Variants in ANK2 observed in about 807,000 individuals in gnomAD.
The protein encoded by ANK2 is ankyrin 2.
Under a neutral mutation model 360.5 loss-of-function variants are expected in ANK2, and 83 were observed. The observed-to-expected ratio is 0.23, with a 90% confidence interval of 0.19 to 0.28. The LOEUF is 0.28. Ranked by LOEUF, ANK2 falls within the 10% of genes least tolerant of loss-of-function variation. The pLI is 1.00. For synonymous variants in ANK2, 1,740 were observed against 1,759.5 expected (o/e 0.99, Z 0.28); for missense variants, 4,201 against 4,795.7 (o/e 0.88, Z 3.66).
At chr4:112,724,608 A>G in the ANK2 span, among the ~76,000 whole-genome samples, 1 of 151,300 alleles carries the variant, frequency 6.6e-6, no homozygotes, top group East Asian at 1.9e-4. Context: ...TCCCATACCC[A>G]TTAGAATGGC....
intron 1 of ANK2, among the ~76,000 whole-genome samples, chr4:112,828,824 G>A (rs563408694): frequency 6.6e-6 from 1 of 152,248 alleles, no homozygotes; most frequent in African/African-American, 2.4e-5. Flanking sequence ...AATCTATAAG[G>A]CACTTAAAGC....
intron 4 of ANK2, among the ~76,000 whole-genome samples, chr4:113,228,860 G>A (rs987285772): frequency 2.6e-5 from 4 of 152,028 alleles, no homozygotes; most frequent in African/African-American, 9.7e-5. Flanking sequence ...GCTAAAAAAC[G>A]GTTAAGTATC....
At chr4:113,250,953 G>A (rs1210560538) in intron 10 of ANK2, among the ~76,000 whole-genome samples, 3 of 152,102 alleles carry the variant, frequency 2.0e-5, no homozygotes, top group Non-Finnish European at 4.4e-5. Flanking sequence ...ATAAAAGAGT[G>A]GCTTCAAATC....
chr4:113,121,480 A>C (rs1049609133), intron 1 of ANK2, among the ~76,000 whole-genome samples: 3 of 152,152 alleles, frequency 2.0e-5, no homozygotes, highest in African/African-American at 7.2e-5. Context: ...TTTGAGGGGG[A>C]AATTATGTAA....
At chr4:113,170,473 C>A (rs1270663003) in intron 1 of ANK2, among the ~76,000 whole-genome samples, 3 of 152,130 alleles carry the variant, frequency 2.0e-5, no homozygotes, top group Non-Finnish European at 4.4e-5. Flanking sequence ...GAGTTATAAA[C>A]ACAAAGACAT....
intron 1 of ANK2, among the ~76,000 whole-genome samples, chr4:113,130,366 CCTGT>C (rs1389313841): frequency 1.3e-5 from 2 of 151,988 alleles, no homozygotes; most frequent in Non-Finnish European, 2.9e-5. Context: ...TAATATTTCA[CCTGT>C]CTGTTTCAAT....
chr4:112,801,704 GA>G, the ANK2 span, among the ~76,000 whole-genome samples: 1 of 152,080 alleles, frequency 6.6e-6, no homozygotes, highest in East Asian at 1.9e-4. Context: ...GCAAAATTAG[GA>G]AAATAAAAAA....
chr4:112,863,295 G>A (rs1311756314), intron 1 of ANK2, among the ~76,000 whole-genome samples: 2 of 152,038 alleles, frequency 1.3e-5, no homozygotes, highest in Non-Finnish European at 2.9e-5. Flanking sequence ...GGCTATGTAT[G>A]GGTAGTAGAG....
In ANK2 at chr4:113,381,651, A is replaced by G. The variant is rs2097175806; in HGVS notation, c.*180A>G. The G allele has an allele frequency of 1.3e-6, 2 of 1,543,656 alleles. No homozygotes were observed. The highest frequency in any genetic ancestry group is 2.7e-5 in the African/African-American group (2 of 73,068). On this transcript the variant is annotated 3_prime_UTR_variant, in exon 46 of 46. Transcript: ENST00000357077. Reference sequence around the variant, plus strand: ...CAAGAGGCCAAGTGAGGGGCTGCCCAGTTCTCACACCAGAAACCACACATT... The same window carrying G: ...CAAGAGGCCAAGTGAGGGGCTGCCCGGTTCTCACACCAGAAACCACACATT...
At chr4:112,900,509 G>GAT (rs1312027257) in intron 1 of ANK2, among the ~76,000 whole-genome samples, 1 of 152,124 alleles carries the variant, frequency 6.6e-6, no homozygotes, top group East Asian at 1.9e-4. Context: ...TGTATTTCTT[G>GAT]ATAGACACGG....
the ANK2 span, among the ~76,000 whole-genome samples, chr4:112,775,544 C>CACACACACAT: frequency 6.6e-6 from 1 of 151,332 alleles, no homozygotes; most frequent in African/African-American, 2.4e-5. Flanking sequence ...CACACACACA[C>CACACACACAT]AAGAAAAAAA....
chr4:112,826,476 C>G, intron 1 of ANK2: 1 of 1,116,464 alleles, frequency 9.0e-7, no homozygotes, highest in Non-Finnish European at 1.3e-6. Flanking sequence ...ATCTGTGAAA[C>G]CTTTTGTTAC....
intron 5 of ANK2, among the ~76,000 whole-genome samples, chr4:113,233,887 C>A (rs2099350140): frequency 6.6e-6 from 1 of 152,108 alleles, no homozygotes; most frequent in Admixed American, 6.5e-5. Context: ...TGATTTGGGA[C>A]CTTTTTTTCC....
At chr4:112,987,492 G>A (rs1412282858) in intron 2 of ANK2, among the ~76,000 whole-genome samples, 1 of 152,168 alleles carries the variant, frequency 6.6e-6, no homozygotes, top group Admixed American at 6.5e-5. Flanking sequence ...GGTCACAGGT[G>A]GCGGGTGACA....
chr4:113,253,565 G>C (rs1379751879), intron 10 of ANK2, among the ~76,000 whole-genome samples: 3 of 151,982 alleles, frequency 2.0e-5, no homozygotes, highest in Non-Finnish European at 4.4e-5. Context: ...TCAACAAATG[G>C]CCATCTAATT....
intron 19 of ANK2, among the ~76,000 whole-genome samples, 181 bp from the exon 20 acceptor site, chr4:113,288,207 T>C (rs1248306736): frequency 6.6e-6 from 1 of 152,230 alleles, no homozygotes; most frequent in Non-Finnish European, 1.5e-5. Context: ...CTGATCTCTC[T>C]TGCTGATATG....
At chr4:113,314,933 A>G (rs572497709) in intron 24 of ANK2, among the ~76,000 whole-genome samples, 4 of 146,928 alleles carry the variant, frequency 2.7e-5, no homozygotes, top group South Asian at 4.2e-4. Context: ...ACACTCCTAT[A>G]TATGGTTTTG....
At chr4:113,147,819 T>C (rs1253077745) in intron 1 of ANK2, among the ~76,000 whole-genome samples, 2 of 152,352 alleles carry the variant, frequency 1.3e-5, no homozygotes, top group South Asian at 2.1e-4. Flanking sequence ...TTATCACAAT[T>C]GGCTTGGCAG....
the ANK2 span, among the ~76,000 whole-genome samples, chr4:112,747,285 GAACA>G: frequency 6.6e-6 from 1 of 152,142 alleles, no homozygotes; most frequent in Non-Finnish European, 1.5e-5. Flanking sequence ...CACTAATAAG[GAACA>G]AACACATTAG....
Sources: allele counts gnomAD v4.1 joint callset (sites outside exome capture counted in the v4.1 genomes callset), GRCh38; gene constraint gnomAD v4.1.1; transcripts MANE v1.5; gene names NCBI Gene and HGNC (gene_info 2026-07-23, HGNC 2026-07-21).